The following SOX13 variants were observed in gnomAD, a reference collection of about 807,000 sequenced individuals.
The protein encoded by SOX13 is SRY-box transcription factor 13.
In SOX13, 28 loss-of-function variants were observed where a neutral mutation model predicts 71.8. That is an observed-to-expected ratio of 0.39 (90% confidence interval 0.29 to 0.53). The LOEUF is 0.53. Ranked by LOEUF, SOX13 falls within the 20% of genes least tolerant of loss-of-function variation. The pLI is 0.70. For synonymous variants in SOX13, 309 were observed against 317.8 expected (o/e 0.97, Z 0.29); for missense variants, 627 against 810.3 (o/e 0.77, Z 2.75).
chr1:204,087,271 C>G (rs571318856), intron 1 of SOX13, among the ~76,000 whole-genome samples: 1 of 152,354 alleles, frequency 6.6e-6, no homozygotes, highest in African/African-American at 2.4e-5. Flanking sequence ...CCAGGCTGCC[C>G]ATCACCTGGG....
At position 204,123,065 on chromosome 1, in the gene SOX13, G is replaced by A; in HGVS notation, c.1135-47G>A. ...CCAAGAGAGGAGCATGGGGAGGAGT[G>A]GGGTGATGCAGAGGAGGCTGATGTC... On this transcript the variant is annotated intron_variant, in intron 10 of 13. Coordinates refer to ENST00000367204, the MANE Select transcript of SOX13 (RefSeq NM_005686.3). This position sits in a 1 kb window ranked among gnomAD's most constrained non-coding sequence, Gnocchi z 5.0. The A allele has an allele frequency of 2.0e-6, 3 of 1,538,396 alleles. No homozygotes were observed. Among genetic ancestry groups the A allele is most frequent in the South Asian group, 1.1e-5 (1 of 89,210 alleles).
intron 1 of SOX13, among the ~76,000 whole-genome samples, chr1:204,098,982 A>G (rs16852826): frequency 0.33 from 50,029 of 152,098 alleles, 8,535 homozygotes; most frequent in Middle Eastern, 0.43. Flanking sequence ...CAGGTTGACT[A>G]TTACTTCCCT....
At chr1:204,105,363 A>G (rs1656446898) in intron 1 of SOX13, among the ~76,000 whole-genome samples, 1 of 151,406 alleles carries the variant, frequency 6.6e-6, no homozygotes, top group Admixed American at 6.6e-5. Flanking sequence ...CAGAGCAGAG[A>G]TGCCGCTTAG....
At chr1:204,086,428 C>T (rs1336704552) in intron 1 of SOX13, among the ~76,000 whole-genome samples, 2 of 152,086 alleles carry the variant, frequency 1.3e-5, no homozygotes, top group African/African-American at 2.4e-5. Flanking sequence ...CTCAGCCTCC[C>T]GAGTAGCTGG....
At chr1:204,114,657 C>T in intron 4 of SOX13, 52 bp downstream of exon 4, 1 of 1,389,178 alleles carries the variant, frequency 7.2e-7, no homozygotes, top group South Asian at 1.2e-5. Context: ...CTCTCTTCTC[C>T]TGGTCTGGCC....
chr1:204,087,105 G>C (rs1656038895), intron 1 of SOX13, among the ~76,000 whole-genome samples: 1 of 152,022 alleles, frequency 6.6e-6, no homozygotes, highest in African/African-American at 2.4e-5. Context: ...TGTATTTTTA[G>C]TAGAGACGGG....
At chr1:204,101,504 T>TAAAAAA (rs781502804) in intron 1 of SOX13, among the ~76,000 whole-genome samples, 47,819 of 134,454 alleles carry the variant, frequency 0.36, 9,059 homozygotes, top group Middle Eastern at 0.44. Context: ...CCTCTTTATT[T>TAAAAAA]AAAAAAAAAA....
Position 204,125,855 on chromosome 1 carries a change from C to G in SOX13, c.1593-3C>G. On this transcript the variant is annotated splice_region_variant and splice_polypyrimidine_tract_variant and intron_variant, in intron 13 of 13. Transcript: ENST00000367204. Reference sequence around the variant, plus strand: ...ATCACCGTTCCCCTTCTCTGCCCCACAGCCCGCAGGCTGGCCAGGTGCAGA... The same window carrying G: ...ATCACCGTTCCCCTTCTCTGCCCCAGAGCCCGCAGGCTGGCCAGGTGCAGA... The G allele has an allele frequency of 6.2e-7, 1 of 1,607,286 alleles. No individual in the cohort carries two copies. Among genetic ancestry groups the G allele is most frequent in the South Asian group, 1.1e-5 (1 of 90,822 alleles).
chr1:204,087,632 T>A (rs1164352214), intron 1 of SOX13, among the ~76,000 whole-genome samples: 1 of 152,260 alleles, frequency 6.6e-6, no homozygotes, highest in Admixed American at 6.5e-5. Context: ...ACTTCCTCCA[T>A]CTGCAACTTG....
In SOX13 at chr1:204,088,422, C is replaced by T. The variant is rs539342920; in HGVS notation, c.-2+14711C>T. Among the ~76,000 whole-genome samples, 50 of 152,320 alleles carry T rather than the reference C, an allele frequency of 3.3e-4. 1 individual carries two copies. The highest frequency in any genetic ancestry group is 9.4e-4 in the African/African-American group (39 of 41,582). ...AGGCAGAAAGAGCAGCAGGGACACT[C>T]GGATTTTTCCAGGGGCTTTGTCCAT... is the stretch of plus-strand genomic sequence containing the variant. On this transcript the variant is annotated intron_variant, in intron 1 of 13. Coordinates refer to ENST00000367204, the MANE Select transcript of SOX13 (RefSeq NM_005686.3).
intron 9 of SOX13, chr1:204,122,624 G>C (rs1188785368): frequency 1.7e-6 from 1 of 599,740 alleles, no homozygotes; most frequent in Non-Finnish European, 3.0e-6. Context: ...AGTTCCAGGG[G>C]GTACTGTTGT....
chr1:204,123,084 T>C lies in SOX13; in HGVS notation c.1135-28T>C. ...AGGAGTGGGGTGATGCAGAGGAGGC[T>C]GATGTCAGGTTGCCCCTGTCAACCT... On this transcript the variant is annotated intron_variant, in intron 10 of 13. Coordinates refer to ENST00000367204, the MANE Select transcript of SOX13 (RefSeq NM_005686.3). The surrounding 1 kb of genome is among the most constrained non-coding windows in gnomAD (Gnocchi z 5.0). 6.3e-7 allele frequency: 1 copy of C among 1,590,234 alleles called. No homozygotes were observed. Among genetic ancestry groups the C allele is most frequent in the Non-Finnish European group, 8.6e-7 (1 of 1,158,680 alleles).
chr1:204,100,872 C>G (rs74138947), intron 1 of SOX13, among the ~76,000 whole-genome samples: 2 of 152,078 alleles, frequency 1.3e-5, no homozygotes, highest in South Asian at 2.1e-4. Context: ...TAGGCTTAAG[C>G]GGGCTGTGCC....
chr1:204,106,104 C>T (rs1466640432), intron 1 of SOX13, among the ~76,000 whole-genome samples: 2 of 152,144 alleles, frequency 1.3e-5, no homozygotes, highest in Non-Finnish European at 2.9e-5. Context: ...TCTGGAAAGT[C>T]TAAAGGGAGA....
intron 1 of SOX13, among the ~76,000 whole-genome samples, chr1:204,102,386 G>A (rs1656378106): frequency 6.6e-6 from 1 of 152,210 alleles, no homozygotes; most frequent in Non-Finnish European, 1.5e-5. Flanking sequence ...GAGGAAATGA[G>A]GGAGCTCATG....
At chr1:204,094,163 C>T (rs1377414049) in intron 1 of SOX13, among the ~76,000 whole-genome samples, 1 of 152,134 alleles carries the variant, frequency 6.6e-6, no homozygotes, top group African/African-American at 2.4e-5. Flanking sequence ...TGCCGAGTCT[C>T]CTAGGGATCT....
intron 1 of SOX13, among the ~76,000 whole-genome samples, chr1:204,093,426 A>G (rs952526512): frequency 1.3e-5 from 2 of 152,186 alleles, no homozygotes; most frequent in African/African-American, 2.4e-5. Flanking sequence ...GTGAATTGCA[A>G]TTTATAATAA....
chr1:204,083,307 T>G (rs1655947771), intron 1 of SOX13, among the ~76,000 whole-genome samples: 1 of 152,134 alleles, frequency 6.6e-6, no homozygotes, highest in African/African-American at 2.4e-5. Context: ...TCAGGACTGA[T>G]GGGGTTTAGG....
intron 1 of SOX13, chr1:204,074,169 G>T (rs542437713): frequency 6.6e-6 from 1 of 152,230 alleles, no homozygotes; most frequent in Non-Finnish European, 1.5e-5. Flanking sequence ...CCTGCGTGGG[G>T]CTCAGGTGCC....
Sources: gnomAD v4.1 joint callset for allele counts (sites outside exome capture counted in the v4.1 genomes callset) on GRCh38, gnomAD v4.1.1 for gene constraint, Gnocchi (gnomAD v3.1) non-coding constraint, MANE v1.5 for transcripts, NCBI Gene and HGNC (gene_info 2026-07-23, HGNC 2026-07-21) for gene names.